RNF150: variants seen among roughly 807,000 people sequenced by gnomAD.
RNF150 encodes ring finger protein 150.
RNF150 carries 24 observed loss-of-function variants against 39.3 expected under a neutral mutation model. That is an observed-to-expected ratio of 0.61 (90% CI 0.44 to 0.86). RNF150 has a LOEUF of 0.86. Ranked by LOEUF, RNF150 falls within the 40% of genes least tolerant of loss-of-function variation. The pLI is 0.00. For synonymous variants in RNF150, 255 were observed against 227.3 expected (o/e 1.12, Z -1.10); for missense variants, 502 against 587.8 (o/e 0.85, Z 1.51).
chr4:141,163,039 C>T (rs1388961798), intron 1 of RNF150, among the ~76,000 whole-genome samples: 2 of 152,192 alleles, frequency 1.3e-5, no homozygotes, highest in Non-Finnish European at 2.9e-5. Flanking sequence ...GCCCAGCAAG[C>T]TAAGATCCAC....
rs1726954177 is a variant in RNF150 at position 141,133,179 on chromosome 4, C to T, written c.-371G>A. ...GCCCACGAACTTGCAGGGTGGCGGC[C>T]CTGCGCCCTCCAGCCCCGGCGGGGA... On this transcript the variant is annotated 5_prime_UTR_variant, in exon 1 of 7. Coordinates refer to ENST00000515673, the MANE Select transcript of RNF150 (RefSeq NM_020724.2). 4.1e-6 allele frequency: 1 copy of T among 246,052 alleles called. No individual in the cohort carries two copies. Among genetic ancestry groups the T allele is most frequent in the African/African-American group, 2.4e-5 (1 of 42,020 alleles). The allele number at this position is 246,052 out of a possible 1,614,324, so 15.2% of individuals were successfully genotyped here. A position where few individuals can be genotyped will look rare whatever the true frequency, so the allele number is the denominator to read the frequency against.
At chr4:140,882,769 C>CT (rs1729423949) in intron 6 of RNF150, among the ~76,000 whole-genome samples, 1 of 145,676 alleles carries the variant, frequency 6.9e-6, no homozygotes, top group Non-Finnish European at 1.6e-5. Context: ...CATGGAACAT[C>CT]TTTTTTCATC....
At chr4:141,001,361 T>TCC in intron 1 of RNF150, among the ~76,000 whole-genome samples, 1 of 152,200 alleles carries the variant, frequency 6.6e-6, no homozygotes, top group Non-Finnish European at 1.5e-5. Context: ...TCTTGTACTC[T>TCC]CCCTCCCTCT....
chr4:141,136,477 T>C (rs1290087413), upstream of RNF150, among the ~76,000 whole-genome samples: 1 of 152,236 alleles, frequency 6.6e-6, no homozygotes, highest in Non-Finnish European at 1.5e-5. Context: ...CATTAATATG[T>C]TTCCAGCTTT....
At chr4:141,023,412 C>T (rs1300273935) in intron 1 of RNF150, among the ~76,000 whole-genome samples, 1 of 119,026 alleles carries the variant, frequency 8.4e-6, no homozygotes, top group African/African-American at 3.1e-5. Flanking sequence ...CACCTAACTA[C>T]TTTTCATATT....
intron 6 of RNF150, among the ~76,000 whole-genome samples, chr4:140,909,992 T>TC (rs1378773160): frequency 6.6e-6 from 1 of 152,162 alleles, no homozygotes; most frequent in African/African-American, 2.4e-5. Context: ...TAAAAGATGA[T>TC]CAGGAAATAA....
chr4:141,161,452 A>G (rs948616769), intron 1 of RNF150, among the ~76,000 whole-genome samples: 2 of 152,216 alleles, frequency 1.3e-5, no homozygotes. Flanking sequence ...AAGTTTAGGT[A>G]ATCTGTAGCC....
At chr4:141,018,605 T>C (rs910697114) in intron 1 of RNF150, among the ~76,000 whole-genome samples, 4 of 152,158 alleles carry the variant, frequency 2.6e-5, no homozygotes, top group Admixed American at 6.6e-5. Context: ...TCATCTGCCA[T>C]GCAGGCCCTT....
At chr4:141,160,455 A>G (rs1039707067) in intron 1 of RNF150, among the ~76,000 whole-genome samples, 4 of 152,238 alleles carry the variant, frequency 2.6e-5, no homozygotes, top group African/African-American at 9.6e-5. Context: ...GCAAAGTATC[A>G]TTGTGAAACT....
intron 1 of RNF150, among the ~76,000 whole-genome samples, chr4:141,194,538 G>A (rs1728166605): frequency 6.6e-6 from 1 of 152,028 alleles, no homozygotes; most frequent in African/African-American, 2.4e-5. Context: ...ACTGTTTTTA[G>A]GTTGATTTGA....
At chr4:140,981,961 C>G (rs1262387285) in intron 1 of RNF150, among the ~76,000 whole-genome samples, 1 of 152,166 alleles carries the variant, frequency 6.6e-6, no homozygotes, top group Non-Finnish European at 1.5e-5. Flanking sequence ...GCATGCTGCT[C>G]TAGTCCTTAC....
At position 141,089,627 on chromosome 4, in the gene RNF150, T is replaced by C. The variant is rs1402990445; in HGVS notation, c.484+42698A>G. 2.0e-5 allele frequency among the ~76,000 whole-genome samples: 3 copies of C among 152,316 alleles called. 1 individual carries two copies. The highest frequency in any genetic ancestry group is 4.1e-4 in the South Asian group (2 of 4,820). On this transcript the variant is annotated intron_variant, in intron 1 of 6. Coordinates refer to ENST00000515673, the MANE Select transcript of RNF150 (RefSeq NM_020724.2). ...CAGTGTGAAGCCTACTGTGTAGATA[T>C]CTACCCAATTCATAATGAAGAAACT... is the stretch of plus-strand genomic sequence containing the variant.
intron 2 of RNF150, among the ~76,000 whole-genome samples, chr4:140,955,105 C>T (rs753618062): frequency 1.3e-5 from 2 of 152,146 alleles, no homozygotes; most frequent in Admixed American, 6.5e-5. Context: ...GTGACTGAAA[C>T]GTTTTCTTCG....
At chr4:141,172,242 G>A (rs1374979013) in intron 1 of RNF150, among the ~76,000 whole-genome samples, 4 of 152,098 alleles carry the variant, frequency 2.6e-5, no homozygotes, top group African/African-American at 4.8e-5. Context: ...TTCTCAGGAC[G>A]CTGGCAGAGG....
chr4:141,092,737 C>T (rs537259436), intron 1 of RNF150, among the ~76,000 whole-genome samples: 3 of 151,700 alleles, frequency 2.0e-5, no homozygotes, highest in South Asian at 4.2e-4. Flanking sequence ...TATTTTTAAA[C>T]GGTCAAATAG....
chr4:141,070,824 T>C (rs370516389), intron 1 of RNF150, among the ~76,000 whole-genome samples: 1 of 150,668 alleles, frequency 6.6e-6, no homozygotes, highest in Non-Finnish European at 1.5e-5. Flanking sequence ...GTCAGTGTGG[T>C]GATTCCTCAG....
chr4:141,006,964 A>G (rs1195674292), intron 1 of RNF150, among the ~76,000 whole-genome samples: 1 of 152,208 alleles, frequency 6.6e-6, no homozygotes, highest in African/African-American at 2.4e-5. Context: ...AGAAAACTAC[A>G]CGTCTGGAAA....
intron 1 of RNF150, among the ~76,000 whole-genome samples, chr4:141,023,185 T>G (rs1290940655): frequency 6.6e-6 from 1 of 152,016 alleles, no homozygotes; most frequent in African/African-American, 2.4e-5. Flanking sequence ...CAAATAAAAT[T>G]TAAAATTTTC....
chr4:140,919,568 T>C (rs1358355056), intron 5 of RNF150, among the ~76,000 whole-genome samples: 2 of 151,164 alleles, frequency 1.3e-5, no homozygotes, highest in Admixed American at 6.6e-5. Flanking sequence ...CATTCCATGC[T>C]CATGGGTAGG....
Sources: allele counts gnomAD v4.1 joint callset (sites outside exome capture counted in the v4.1 genomes callset), GRCh38; gene constraint gnomAD v4.1.1; transcripts MANE v1.5; gene names NCBI Gene and HGNC (gene_info 2026-07-23, HGNC 2026-07-21).